Variants in SUGCT observed in about 807,000 individuals in gnomAD.
SUGCT encodes the protein succinyl-CoA:glutarate-CoA transferase.
A neutral mutation model predicts 55.0 loss-of-function variants in SUGCT; 41 were observed. The ratio of observed to expected loss-of-function variants is 0.74; its 90% CI spans 0.58 to 0.97. SUGCT has a LOEUF of 0.97. SUGCT is among the 50% of genes least tolerant of loss of function. SUGCT has a pLI of 0.00. For missense variants in SUGCT, 568 were observed against 547.8 expected (o/e 1.04, Z -0.37); for synonymous variants, 187 against 200.4 (o/e 0.93, Z 0.56).
chr7:40,175,313 G>A (rs1028046926), intron 1 of SUGCT, among the ~76,000 whole-genome samples: 7 of 151,640 alleles, frequency 4.6e-5, no homozygotes, highest in Non-Finnish European at 1.0e-4. Context: ...TCTGCCTCCC[G>A]GGTTCAAGCG....
At chr7:40,737,650 G>A (rs1008774471) in intron 12 of SUGCT, among the ~76,000 whole-genome samples, 1 of 152,184 alleles carries the variant, frequency 6.6e-6, no homozygotes. Flanking sequence ...TTGGTAGGGG[G>A]ATAACTGGAT....
rs184082488 is a variant in SUGCT, at chr7:40,188,172, G to A, written c.227-323G>A. 2.5e-3 allele frequency among the ~76,000 whole-genome samples: 377 copies of A among 150,162 alleles called. 2 individuals are homozygous for A. The highest frequency in any genetic ancestry group is 6.9e-3 in the Middle Eastern group (2 of 288). ...TAAATGGATGGGCGCGGTGGCTCAC[G>A]CCTGTAATCCCAGCACTTTGGGAAG... On this transcript the variant is annotated intron_variant, in intron 3 of 13. Coordinates refer to ENST00000335693, the MANE Select transcript of SUGCT (RefSeq NM_001193313.2).
intron 1 of SUGCT, among the ~76,000 whole-genome samples, chr7:40,160,409 A>G (rs1784089659): frequency 2.0e-5 from 3 of 152,070 alleles, no homozygotes; most frequent in Non-Finnish European, 4.4e-5. Context: ...TTGTGTTTTT[A>G]GTAGAGACGG....
chr7:40,257,108 G>A (rs1335903230), intron 7 of SUGCT, among the ~76,000 whole-genome samples: 2 of 151,866 alleles, frequency 1.3e-5, no homozygotes, highest in African/African-American at 2.4e-5. Flanking sequence ...GCAGTGGTGC[G>A]ATCTTGGTTC....
chr7:40,753,140 CA>C (rs1788098476), intron 13 of SUGCT, among the ~76,000 whole-genome samples: 1 of 152,154 alleles, frequency 6.6e-6, no homozygotes. Flanking sequence ...GCCACATAAA[CA>C]GGACAAGAGT....
chr7:40,397,599 C>T (rs561503660), intron 9 of SUGCT, among the ~76,000 whole-genome samples: 1 of 152,206 alleles, frequency 6.6e-6, no homozygotes, highest in East Asian at 1.9e-4. Context: ...TTGCTTTTGT[C>T]TTTTGGATAG....
At chr7:40,163,910 G>A (rs545593898) in intron 1 of SUGCT, among the ~76,000 whole-genome samples, 15 of 150,808 alleles carry the variant, frequency 9.9e-5, no homozygotes, top group African/African-American at 3.2e-4. Context: ...CAGTCTCCAC[G>A]TCCTGGGTTT....
At chr7:40,338,324 A>G (rs1056862046) in intron 9 of SUGCT, among the ~76,000 whole-genome samples, 4 of 152,134 alleles carry the variant, frequency 2.6e-5, no homozygotes, top group Non-Finnish European at 5.9e-5. Context: ...ATTCTCCTGG[A>G]TAATATCCTG....
intron 12 of SUGCT, among the ~76,000 whole-genome samples, chr7:40,647,958 G>A (rs777128966): frequency 4.6e-5 from 7 of 152,026 alleles, no homozygotes; most frequent in Non-Finnish European, 7.4e-5. Flanking sequence ...CCTACATCCC[G>A]CACATTCCTT....
the SUGCT span, among the ~76,000 whole-genome samples, chr7:40,954,429 G>T: frequency 6.6e-6 from 1 of 152,168 alleles, no homozygotes; most frequent in African/African-American, 2.4e-5. Flanking sequence ...CCTTGCTTCA[G>T]CTCATGCTCA....
At chr7:40,701,115 C>T (rs1785154418) in intron 12 of SUGCT, among the ~76,000 whole-genome samples, 1 of 152,154 alleles carries the variant, frequency 6.6e-6, no homozygotes, top group African/African-American at 2.4e-5. Context: ...GGCTGGCTTC[C>T]TCCCCCTCCA....
intron 9 of SUGCT, among the ~76,000 whole-genome samples, chr7:40,331,140 G>A (rs1205674604): frequency 2.0e-5 from 3 of 152,066 alleles, no homozygotes; most frequent in Non-Finnish European, 4.4e-5. Flanking sequence ...CATTCAAAGC[G>A]TCCTGGGCCA....
rs561206360 is a variant in SUGCT, at chr7:40,685,220, G to A, written c.1090-64214G>A. On this transcript the variant is annotated intron_variant, in intron 12 of 13. Coordinates refer to ENST00000335693, the MANE Select transcript of SUGCT (RefSeq NM_001193313.2). ...ATTCATACACTGCTTAATTTTCTGT[G>A]TTTGTTCTAGTAATTCAGACCTAAA... is the stretch of plus-strand genomic sequence containing the variant. Among the ~76,000 whole-genome samples, 63 of 152,138 alleles carry A rather than the reference G, an allele frequency of 4.1e-4. 1 individual carries two copies. Among genetic ancestry groups the A allele is most frequent in the African/African-American group, 1.3e-3 (56 of 41,508 alleles).
chr7:40,558,684 C>T (rs928537724), intron 12 of SUGCT, among the ~76,000 whole-genome samples: 16 of 152,262 alleles, frequency 1.1e-4, no homozygotes, highest in African/African-American at 3.1e-4. Flanking sequence ...AAGTTCAGGA[C>T]GTAGTGGTGA....
intron 12 of SUGCT, among the ~76,000 whole-genome samples, chr7:40,719,002 A>C (rs956092083): frequency 6.6e-6 from 1 of 152,252 alleles, no homozygotes; most frequent in Non-Finnish European, 1.5e-5. Context: ...TAACATTCCT[A>C]AAATACAAAT....
intron 9 of SUGCT, among the ~76,000 whole-genome samples, chr7:40,356,382 A>G (rs1047994071): frequency 6.6e-6 from 1 of 152,210 alleles, no homozygotes; most frequent in Non-Finnish European, 1.5e-5. Context: ...GGTTGAGGAT[A>G]GATTTTCTTA....
chr7:40,875,586 A>C, the SUGCT span, among the ~76,000 whole-genome samples: 6 of 152,316 alleles, frequency 3.9e-5, no homozygotes, highest in Non-Finnish European at 8.8e-5. Context: ...TGACACAACA[A>C]ATGTGTTTTG....
chr7:40,574,724 GC>G (rs1261007671), intron 12 of SUGCT, among the ~76,000 whole-genome samples: 1 of 152,088 alleles, frequency 6.6e-6, no homozygotes, highest in Non-Finnish European at 1.5e-5. Flanking sequence ...GAGCCACCGT[GC>G]CCGGCTGGGC....
chr7:40,856,708 T>C (rs1473238331), intron 13 of SUGCT, among the ~76,000 whole-genome samples: 1 of 152,146 alleles, frequency 6.6e-6, no homozygotes, highest in African/African-American at 2.4e-5. Flanking sequence ...CCTATGAAAA[T>C]TGTGAACATT....
Sources: allele counts gnomAD v4.1 joint callset (sites outside exome capture counted in the v4.1 genomes callset), GRCh38; gene constraint gnomAD v4.1.1; transcripts MANE v1.5; gene names NCBI Gene and HGNC (gene_info 2026-07-23, HGNC 2026-07-21).